Variants in COL22A1 observed in about 807,000 individuals in gnomAD.
COL22A1 encodes the protein collagen alpha-1(XXII) chain.
In COL22A1, 221 loss-of-function variants were observed where a neutral mutation model predicts 248.9. That is an observed-to-expected ratio of 0.89 (90% CI 0.80 to 0.99). COL22A1 has a LOEUF of 0.99. Ranked by LOEUF, COL22A1 falls within the 50% of genes least tolerant of loss-of-function variation. The probability of loss-of-function intolerance (pLI) is 0.00; values close to 1 mark genes in which losing one functional copy is unlikely to be tolerated. For synonymous variants in COL22A1, 891 were observed against 793.4 expected, an observed-to-expected ratio of 1.12 and a Z score of -2.07; for missense variants, 2,240 against 2,179.0, an observed-to-expected ratio of 1.03 and a Z score of -0.56.
chr8:138,684,434 T>C lies in COL22A1; in HGVS notation c.3003A>G (p.Leu1001=). The change falls in exon 39 of 65, where the codon CTA becomes CTG. Residue 1001 remains leucine, a synonymous_variant. Transcript: ENST00000303045. ...TTGGACAAGCACTCACCTTGGTTCC[T>C]AGGGGTCCAGGGAGTCCAGGTGATC... ...LRGSPGLPGP[L]GTKAACGKVR... 3 of 1,610,206 alleles carry C rather than the reference T, an allele frequency of 1.9e-6. No individual in the cohort carries two copies. Among genetic ancestry groups the C allele is most frequent in the Non-Finnish European group, 2.5e-6 (3 of 1,176,504 alleles).
At chr8:138,616,081 G>T (rs1819295438) in intron 54 of COL22A1, 27 bp from the exon 55 acceptor site, 1 of 1,591,234 alleles carries the variant, frequency 6.3e-7, no homozygotes, top group East Asian at 2.2e-5. Context: ...CTGCTATTAG[G>T]GAAGGAGATG....
intron 22 of COL22A1, among the ~76,000 whole-genome samples, chr8:138,742,741 T>C (rs1489928962): frequency 4.0e-5 from 4 of 101,038 alleles, no homozygotes; most frequent in Non-Finnish European, 6.2e-5. Flanking sequence ...TAGTAGTGAT[T>C]GTGATGGTGG....
rs1345838670 is a variant in COL22A1, at chr8:138,760,294, G to T, written c.1858-7C>A. The T allele has an allele frequency of 2.5e-6, 4 of 1,598,324 alleles. No individual in the cohort carries two copies. Among genetic ancestry groups the T allele is most frequent in the Non-Finnish European group, 3.4e-6 (4 of 1,172,676 alleles). ...CAGAAGGGCCGGGCCTGCCCTGGAG[G>T]AAAGAAAGAAAAGGCAGATTATGAT... On this transcript the variant is annotated splice_polypyrimidine_tract_variant and splice_region_variant and intron_variant, in intron 17 of 64. Coordinates refer to ENST00000303045, the MANE Select transcript of COL22A1 (RefSeq NM_152888.3).
At chr8:138,772,989 C>T (rs1269910042) in intron 16 of COL22A1, among the ~76,000 whole-genome samples, 1 of 152,234 alleles carries the variant, frequency 6.6e-6, no homozygotes. Context: ...AGCCCCGGCG[C>T]CGCGTGTGGC....
intron 5 of COL22A1, among the ~76,000 whole-genome samples, chr8:138,829,232 CAT>C (rs1352029500): frequency 6.6e-6 from 1 of 152,148 alleles, no homozygotes; most frequent in African/African-American, 2.4e-5. Flanking sequence ...GCCCATCACT[CAT>C]AGCACCTGGG....
At chr8:138,837,119 A>G (rs1377341826) in intron 4 of COL22A1, among the ~76,000 whole-genome samples, 1 of 152,192 alleles carries the variant, frequency 6.6e-6, no homozygotes, top group East Asian at 1.9e-4. Context: ...CCTGGGGGGA[A>G]GCCAGCACCC....
At chr8:138,663,799 G>A (rs1824199860) in intron 41 of COL22A1, 59 bp from the exon 42 acceptor site, 37 of 1,333,046 alleles carry the variant, frequency 2.8e-5, no homozygotes, top group Non-Finnish European at 3.9e-5. Flanking sequence ...ATGTAAACAA[G>A]CTATGGTGTT....
chr8:138,883,201 T>C lies in COL22A1; in HGVS notation c.-29A>G. The stretch of plus-strand genomic sequence containing the variant: ...TCTCCTGTTCTTGGGGACAGGCTTC[T>C]CTTGGCCAGGAAGAGACGCTGTTAG... On this transcript the variant is annotated 5_prime_UTR_variant, in exon 2 of 65. Transcript: ENST00000303045. 2.6e-6 allele frequency: 4 copies of C among 1,554,394 alleles called. No homozygotes were observed. Among genetic ancestry groups the C allele is most frequent in the Non-Finnish European group, 3.5e-6 (4 of 1,147,970 alleles).
At chr8:138,798,465 G>C (rs1372752043) in intron 11 of COL22A1, among the ~76,000 whole-genome samples, 1 of 151,892 alleles carries the variant, frequency 6.6e-6, no homozygotes, top group Non-Finnish European at 1.5e-5. Flanking sequence ...GTGCTCTAGA[G>C]TTTCTTATAT....
At chr8:138,674,322 T>C (rs1392626420) in intron 41 of COL22A1, among the ~76,000 whole-genome samples, 1 of 152,156 alleles carries the variant, frequency 6.6e-6, no homozygotes, top group Non-Finnish European at 1.5e-5. Context: ...GAACTTGACA[T>C]GTACCCACCC....
intron 30 of COL22A1, among the ~76,000 whole-genome samples, chr8:138,709,596 T>G (rs1318133635): frequency 7.8e-6 from 1 of 127,680 alleles, no homozygotes; most frequent in Non-Finnish European, 1.6e-5. Flanking sequence ...ATGAGAACAC[T>G]TGGACACAGA....
chr8:138,608,497 G>A (rs1171125855), intron 56 of COL22A1, among the ~76,000 whole-genome samples: 2 of 152,152 alleles, frequency 1.3e-5, no homozygotes, highest in African/African-American at 4.8e-5. Flanking sequence ...GCACAGAGAA[G>A]AAAAATGGCT....
chr8:138,627,223 A>C (rs999808220), intron 50 of COL22A1, among the ~76,000 whole-genome samples: 2 of 152,212 alleles, frequency 1.3e-5, no homozygotes. Flanking sequence ...TTAGTTATTG[A>C]TAATGGAGCT....
At chr8:138,862,642 T>C (rs370967355) in intron 3 of COL22A1, among the ~76,000 whole-genome samples, 5 of 152,308 alleles carry the variant, frequency 3.3e-5, no homozygotes, top group South Asian at 2.1e-4. Flanking sequence ...CTTGTTTTTT[T>C]CCCTCATATT....
chr8:138,735,908 C>A (rs757290472), intron 23 of COL22A1, among the ~76,000 whole-genome samples: 1 of 152,112 alleles, frequency 6.6e-6, no homozygotes, highest in African/African-American at 2.4e-5. Flanking sequence ...ACAGTGTGAC[C>A]GCCACCCCGG....
At chr8:138,741,458 A>G (rs1361421288) in intron 22 of COL22A1, among the ~76,000 whole-genome samples, 1 of 152,224 alleles carries the variant, frequency 6.6e-6, no homozygotes, top group African/African-American at 2.4e-5. Context: ...TAAGCCATTT[A>G]ACTTGCTGAG....
chr8:138,860,079 A>C (rs1822335919), intron 3 of COL22A1, among the ~76,000 whole-genome samples: 1 of 149,524 alleles, frequency 6.7e-6, no homozygotes, highest in Admixed American at 6.7e-5. Context: ...CACCCACCCC[A>C]CCTCTGACCT....
At chr8:138,863,379 G>A (rs1033746679) in intron 3 of COL22A1, among the ~76,000 whole-genome samples, 6 of 152,174 alleles carry the variant, frequency 3.9e-5, no homozygotes, top group Non-Finnish European at 8.8e-5. Context: ...TCCCTCCCTG[G>A]TTGTGGGCTC....
Position 138,684,770 on chromosome 8 carries a change from C to T in COL22A1, c.2968-301G>A, listed in dbSNP as rs78681361. On this transcript the variant is annotated intron_variant, in intron 38 of 64. Transcript: ENST00000303045. ...CTTGCGCAAGTAAGGGGCAAGGCCTCGTTTCAAAGCAGGCTTTGAAACCTT... is the reference window on the plus strand; with the variant it reads ...CTTGCGCAAGTAAGGGGCAAGGCCTTGTTTCAAAGCAGGCTTTGAAACCTT... 1.2e-4 allele frequency among the ~76,000 whole-genome samples: 18 copies of T among 152,286 alleles called. No individual in the cohort carries two copies. In the East Asian group the frequency reaches 2.5e-3, roughly 21 times the overall value.
Sources: allele counts gnomAD v4.1 joint callset (sites outside exome capture counted in the v4.1 genomes callset), GRCh38; gene constraint gnomAD v4.1.1; transcripts MANE v1.5; gene names NCBI Gene and HGNC (gene_info 2026-07-23, HGNC 2026-07-21).